The following CMIP variants were observed in gnomAD, a reference collection of about 807,000 sequenced individuals.
CMIP encodes C-Maf-inducing protein.
Under a neutral mutation model 97.3 loss-of-function variants are expected in CMIP, and 13 were observed. That is an observed-to-expected ratio of 0.13 (90% CI 0.09 to 0.21). The LOEUF is 0.21. Among genes scored for constraint, CMIP ranks in the 10% least tolerant of loss-of-function variants. The pLI, the probability that CMIP is intolerant of heterozygous loss-of-function variation, is 1.00. For synonymous variants in CMIP, 538 were observed against 436.3 expected (o/e 1.23, Z -2.91); for missense variants, 847 against 1,024.9 (o/e 0.83, Z 2.37).
intron 2 of CMIP, among the ~76,000 whole-genome samples, chr16:81,617,701 T>C (rs8047761): frequency 0.74 from 113,053 of 152,160 alleles, 42,470 homozygotes; most frequent in East Asian, 0.96. Context: ...TGTAACCAGC[T>C]CTGGCCCAGC....
chr16:81,577,690 A>G (rs1490255304), intron 1 of CMIP, among the ~76,000 whole-genome samples: 1 of 151,490 alleles, frequency 6.6e-6, no homozygotes, highest in African/African-American at 2.4e-5. Context: ...CTACATTATT[A>G]TCACTATCAC....
chr16:81,566,674 C>T (rs762461680), intron 1 of CMIP, among the ~76,000 whole-genome samples: 8 of 152,212 alleles, frequency 5.3e-5, no homozygotes, highest in Non-Finnish European at 7.3e-5. Flanking sequence ...GAACTGAGTG[C>T]TTCTGTCTAC....
chr16:81,628,494 G>A (rs937360506), intron 3 of CMIP, among the ~76,000 whole-genome samples: 1 of 152,204 alleles, frequency 6.6e-6, no homozygotes, highest in African/African-American at 2.4e-5. Flanking sequence ...GGAGGTGCCT[G>A]TTCCTCCTCT....
chr16:81,652,885 G>C lies in CMIP; in HGVS notation c.639+521G>C, dbSNP rs1453463153. Among the ~76,000 whole-genome samples the C allele has an allele frequency of 6.6e-6, 1 of 152,148 alleles. No homozygotes were observed. Among genetic ancestry groups the C allele is most frequent in the African/African-American group, 2.4e-5 (1 of 41,438 alleles). ...GTCGGCTGGGCCTCCTGTGCCATCT[G>C]CTTTGCTGGCCTCCTCGCATATTGA... On this transcript the variant is annotated intron_variant, in intron 4 of 20. Coordinates refer to ENST00000537098, the MANE Select transcript of CMIP (RefSeq NM_198390.3). The surrounding 1 kb of genome is among the most constrained non-coding windows in gnomAD (Gnocchi z 5.2).
At chr16:81,513,379 C>T (rs1478439405) in intron 1 of CMIP, among the ~76,000 whole-genome samples, 2 of 152,206 alleles carry the variant, frequency 1.3e-5, no homozygotes, top group Non-Finnish European at 2.9e-5. Context: ...CTGGGCCCCA[C>T]GCATAGTAGG....
chr16:81,635,087 G>A (rs557917938), intron 3 of CMIP, among the ~76,000 whole-genome samples: 1 of 152,190 alleles, frequency 6.6e-6, no homozygotes, highest in Non-Finnish European at 1.5e-5. Flanking sequence ...GCAGGCTCTG[G>A]TACAGTATTT....
intron 1 of CMIP, among the ~76,000 whole-genome samples, chr16:81,475,473 T>G (rs761170838): frequency 3.3e-5 from 5 of 151,292 alleles, no homozygotes; most frequent in African/African-American, 7.3e-5. Flanking sequence ...TATAGAACAC[T>G]CCATAATGTT....
chr16:81,640,955 C>G (rs937919463), intron 3 of CMIP, among the ~76,000 whole-genome samples: 6 of 152,154 alleles, frequency 3.9e-5, no homozygotes, highest in African/African-American at 1.4e-4. Flanking sequence ...GTCCAACCCA[C>G]AACACCAGCT....
chr16:81,588,853 TCTC>T (rs1020458437), intron 1 of CMIP, among the ~76,000 whole-genome samples: 11 of 151,972 alleles, frequency 7.2e-5, no homozygotes, highest in Admixed American at 7.2e-4. Context: ...TGTGGCCCTG[TCTC>T]CTGGCCTCTA....
intron 3 of CMIP, among the ~76,000 whole-genome samples, chr16:81,625,643 G>C (rs921586039): frequency 6.6e-6 from 1 of 152,264 alleles, no homozygotes; most frequent in African/African-American, 2.4e-5. Context: ...AGAGACCCAG[G>C]TATGCACAGC....
chr16:81,568,209 T>G (rs914158532), intron 1 of CMIP, among the ~76,000 whole-genome samples: 40 of 152,208 alleles, frequency 2.6e-4, no homozygotes, highest in African/African-American at 9.2e-4. Context: ...TCTTTCTGCC[T>G]TTTCATTGCA....
intron 3 of CMIP, among the ~76,000 whole-genome samples, chr16:81,639,004 A>G (rs1028045635): frequency 6.6e-6 from 1 of 152,134 alleles, no homozygotes; most frequent in African/African-American, 2.4e-5. Context: ...CCGTGTGAAG[A>G]TCAGAGAGCC....
intron 1 of CMIP, among the ~76,000 whole-genome samples, chr16:81,541,794 G>GTCAATCAGGCATCAGGCA: frequency 6.6e-6 from 1 of 152,324 alleles, no homozygotes; most frequent in Admixed American, 6.5e-5. Context: ...GCTGCAGCTT[G>GTCAATCAGGCATCAGGCA]TCAATCAGGC....
At chr16:81,484,318 C>T (rs1189791413) in intron 1 of CMIP, among the ~76,000 whole-genome samples, 2 of 152,240 alleles carry the variant, frequency 1.3e-5, no homozygotes, top group Non-Finnish European at 2.9e-5. Flanking sequence ...GCACGGGAAG[C>T]CAAAACCGCC....
chr16:81,526,443 T>A (rs1282706602), intron 1 of CMIP, among the ~76,000 whole-genome samples: 1 of 152,240 alleles, frequency 6.6e-6, no homozygotes, highest in East Asian at 1.9e-4. Context: ...TTCCTGTTGT[T>A]GTGGATATCT....
chr16:81,661,094 C>T (rs1006193852), intron 6 of CMIP, 148 bp downstream of exon 6: 25 of 916,624 alleles, frequency 2.7e-5, no homozygotes, highest in African/African-American at 6.5e-5. Context: ...AGGGCATGCC[C>T]GGCACCCATT....
intron 9 of CMIP, among the ~76,000 whole-genome samples, 157 bp from the exon 10 acceptor site, chr16:81,678,118 A>C (rs1597236823): frequency 6.6e-6 from 1 of 152,176 alleles, no homozygotes; most frequent in African/African-American, 2.4e-5. Context: ...CCGTGCACCC[A>C]GGCTGAGCCT....
At chr16:81,457,146 C>T (rs866451444) in intron 1 of CMIP, among the ~76,000 whole-genome samples, 1 of 151,888 alleles carries the variant, frequency 6.6e-6, no homozygotes, top group African/African-American at 2.4e-5. Context: ...TTGGCACACG[C>T]CTCTTCTTTC....
Position 81,699,819 on chromosome 16 carries a change from G to T in CMIP, c.1755+18G>T, listed in dbSNP as rs1318213281. 11 of 1,552,696 alleles carry T rather than the reference G, an allele frequency of 7.1e-6. No individual in the cohort carries two copies. The highest frequency in any genetic ancestry group is 6.2e-6 in the Non-Finnish European group (7 of 1,129,010). ...TGGTGGAGGTAAGGAGCTGGTCGGG[G>T]TCCCTGGTGGGGTGGCTGGCTCCCC... On this transcript the variant is annotated intron_variant, in intron 15 of 20. Transcript: ENST00000537098.
Sources: allele counts gnomAD v4.1 joint callset (sites outside exome capture counted in the v4.1 genomes callset), GRCh38; gene constraint gnomAD v4.1.1; non-coding constraint Gnocchi (gnomAD v3.1); transcripts MANE v1.5; gene names NCBI Gene and HGNC (gene_info 2026-07-23, HGNC 2026-07-21).